The following RAB19 variants were observed in gnomAD, a reference collection of about 807,000 sequenced individuals.
RAB19 encodes RAB19, member RAS oncogene family, also known as ras-related protein Rab-19.
RAB19 carries 21 observed loss-of-function variants against 17.3 expected under a neutral mutation model. That is an observed-to-expected ratio of 1.21 (90% CI 0.86 to 1.74). The LOEUF (loss-of-function observed/expected upper bound fraction) is 1.74. Among genes scored for constraint, RAB19 ranks in the 40% most tolerant of loss-of-function variants. The probability of loss-of-function intolerance (pLI) is 0.00; values close to 1 mark genes in which losing one functional copy is unlikely to be tolerated. For synonymous variants in RAB19, 126 were observed against 110.4 expected (o/e 1.14, Z -0.88); for missense variants, 277 against 286.8 (o/e 0.97, Z 0.25).
rs560723274 is a variant in RAB19 at position 140,424,111 on chromosome 7, T to C, written c.386-1771T>C. Among the ~76,000 whole-genome samples the C allele has an allele frequency of 3.3e-5, 5 of 151,810 alleles. No individual in the cohort carries two copies. The East Asian group carries it at 9.7e-4, about 29-fold the overall frequency. ...CTCAGGTGATCCACCCGCCTCGGCT[T>C]CCCACAGTGCAGGGATTGCAGGCGT... On this transcript the variant is annotated intron_variant, in intron 3 of 3. Transcript: ENST00000537763.
chr7:140,412,137 T>G, intron 3 of RAB19, 80 bp downstream of exon 3: 1 of 1,388,248 alleles, frequency 7.2e-7, no homozygotes, highest in Non-Finnish European at 1.0e-6. Context: ...CTAATGACAG[T>G]GGAAAATGAA....
chr7:140,407,550 G>A, intron 1 of RAB19, 74 bp from the exon 2 acceptor site: 1 of 1,077,722 alleles, frequency 9.3e-7, no homozygotes, highest in Non-Finnish European at 1.4e-6. Context: ...CACTGTGAAG[G>A]TAATGACCTC....
chr7:140,419,763 G>A (rs1483017659), intron 3 of RAB19, among the ~76,000 whole-genome samples: 4 of 152,084 alleles, frequency 2.6e-5, no homozygotes, highest in African/African-American at 9.7e-5. Context: ...CAGTGTGTGT[G>A]GGTTTCAGTT....
intron 2 of RAB19, among the ~76,000 whole-genome samples, chr7:140,410,313 C>CTT (rs762151021): frequency 0.23 from 18,255 of 81,054 alleles, 3,788 homozygotes; most frequent in Admixed American, 0.29. Flanking sequence ...TTGTATTTTT[C>CTT]TTTTTTTTTT....
intron 3 of RAB19, among the ~76,000 whole-genome samples, chr7:140,413,355 C>T (rs768772344): frequency 6.6e-6 from 1 of 152,074 alleles, no homozygotes; most frequent in Non-Finnish European, 1.5e-5. Flanking sequence ...GTAGCTTTGA[C>T]TATTCTGAGT....
chr7:140,409,176 C>A (rs1254006807), intron 2 of RAB19, among the ~76,000 whole-genome samples: 3 of 151,806 alleles, frequency 2.0e-5, no homozygotes, highest in African/African-American at 7.3e-5. Context: ...CCAGCCTGGC[C>A]AACATGGTGA....
intron 3 of RAB19, among the ~76,000 whole-genome samples, chr7:140,418,577 TAAA>T (rs1323234231): frequency 2.4e-5 from 3 of 126,990 alleles, no homozygotes; most frequent in Admixed American, 8.0e-5. Context: ...CTCTGTCTCT[TAAA>T]AAAAAAAAAA....
At chr7:140,407,542 C>A (rs933667119) in intron 1 of RAB19, 82 bp from the exon 2 acceptor site, 10 of 954,344 alleles carry the variant, frequency 1.0e-5, no homozygotes, top group Admixed American at 3.8e-5. Flanking sequence ...GGATGTAGCA[C>A]TGTGAAGGTA....
At chr7:140,425,039 A>G (rs560494758) in intron 3 of RAB19, among the ~76,000 whole-genome samples, 11 of 152,240 alleles carry the variant, frequency 7.2e-5, no homozygotes, top group African/African-American at 2.6e-4. Flanking sequence ...CAATCCCAGC[A>G]CTTTGGGAGG....
Position 140,409,181 on chromosome 7 carries a change from T to G in RAB19, c.201+1334T>G, listed in dbSNP as rs1284644266. ...AAGTTCAAGACCAGCCTGGCCAACA[T>G]GGTGAAACCCTGTCTCTACTAAAAA... On this transcript the variant is annotated intron_variant, in intron 2 of 3. Coordinates refer to ENST00000537763, the MANE Select transcript of RAB19 (RefSeq NM_001008749.3). Among the ~76,000 whole-genome samples, 12 of 143,740 alleles carry G rather than the reference T, an allele frequency of 8.3e-5. No individual in the cohort carries two copies. In the East Asian group the frequency reaches 1.1e-3, roughly 13 times the overall value. The allele number at this position is 143,740 out of a possible 152,430, so 94.3% of individuals were successfully genotyped here.
At position 140,407,471 on chromosome 7, in the gene RAB19, T is replaced by C. The variant is rs551452737; in HGVS notation, c.-23-153T>C. On this transcript the variant is annotated intron_variant, in intron 1 of 3. Coordinates refer to ENST00000537763, the MANE Select transcript of RAB19 (RefSeq NM_001008749.3). ...AAGATCAACACACGTAGGGCAGATGTCAGCTTATGGGGACAACTCCTCTGT... is the reference window on the plus strand; with the variant it reads ...AAGATCAACACACGTAGGGCAGATGCCAGCTTATGGGGACAACTCCTCTGT... 102 of 601,540 alleles carry C rather than the reference T, an allele frequency of 1.7e-4. No homozygotes were observed. In the South Asian group the frequency reaches 1.9e-3, roughly 11 times the overall value. 37.3% of individuals were successfully genotyped at this position (601,540 alleles called of 1,614,324 possible). A position where few individuals can be genotyped will look rare whatever the true frequency, so the allele number is the denominator to read the frequency against.
intron 3 of RAB19, among the ~76,000 whole-genome samples, chr7:140,415,072 T>C (rs1221346739): frequency 6.7e-6 from 1 of 149,932 alleles, no homozygotes; most frequent in Non-Finnish European, 1.5e-5. Flanking sequence ...TTTTCTTTTC[T>C]TTTCTTTTCT....
Position 140,426,142 on chromosome 7 carries a change from A to G in RAB19, c.646A>G (p.Thr216Ala). The G allele has an allele frequency of 6.2e-7, 1 of 1,612,916 alleles. No homozygotes were observed. Reference protein sequence around the residue: ...AQGPSEKTHCTC With the variant: ...AQGPSEKTHCAC ...GGGTCCAAGTGAAAAGACCCACTGC[A>G]CTTGCTAAGATGTTTGCAAAGCCAG... The change falls in exon 4 of 4, where the codon ACT becomes GCT. Residue 216 changes from threonine (T) to alanine (A), a missense_variant. Coordinates refer to ENST00000537763, the MANE Select transcript of RAB19 (RefSeq NM_001008749.3).
intron 2 of RAB19, among the ~76,000 whole-genome samples, chr7:140,408,795 G>T (rs567187960): frequency 6.6e-6 from 1 of 151,930 alleles, no homozygotes; most frequent in Non-Finnish European, 1.5e-5. Flanking sequence ...GTCTTGCTCT[G>T]TCACTCAGGC....
intron 3 of RAB19, among the ~76,000 whole-genome samples, chr7:140,425,369 A>G (rs1305576717): frequency 5.3e-5 from 8 of 152,152 alleles, no homozygotes; most frequent in Non-Finnish European, 7.3e-5. Flanking sequence ...ACTCAGCTAA[A>G]TGAGCTCCAT....
At chr7:140,412,770 G>T (rs1024502029) in intron 3 of RAB19, among the ~76,000 whole-genome samples, 1 of 151,314 alleles carries the variant, frequency 6.6e-6, no homozygotes, top group Non-Finnish European at 1.5e-5. Flanking sequence ...ATTGGGTACA[G>T]TGGGTTCTTA....
chr7:140,417,338 G>T (rs1240614023), intron 3 of RAB19, among the ~76,000 whole-genome samples: 1 of 151,664 alleles, frequency 6.6e-6, no homozygotes, highest in African/African-American at 2.4e-5. Flanking sequence ...GGAGTTCAAG[G>T]CTGCAGTGAG....
In RAB19 at chr7:140,427,595, C is replaced by T. The variant is rs1379631505; in HGVS notation, c.*1445C>T. On this transcript the variant is annotated 3_prime_UTR_variant, in exon 4 of 4. Transcript: ENST00000537763. Reference sequence around the variant, plus strand: ...ACCTCCCTAGTAGCTGGGATTACAGCCTCCCGCCACCACGCCTAGCTAATT... The same window carrying T: ...ACCTCCCTAGTAGCTGGGATTACAGTCTCCCGCCACCACGCCTAGCTAATT... Among the ~76,000 whole-genome samples, 3 of 150,844 alleles carry T rather than the reference C, an allele frequency of 2.0e-5. No individual in the cohort carries two copies. The highest frequency in any genetic ancestry group is 3.0e-5 in the Non-Finnish European group (2 of 67,794).
chr7:140,411,713 C>A, intron 2 of RAB19, 161 bp from the exon 3 acceptor site: 1 of 1,467,836 alleles, frequency 6.8e-7, no homozygotes, highest in Non-Finnish European at 9.1e-7. Flanking sequence ...ATCCAGGGAG[C>A]AACTGAAAGA....
Sources: allele counts gnomAD v4.1 joint callset (sites outside exome capture counted in the v4.1 genomes callset), GRCh38; gene constraint gnomAD v4.1.1; transcripts MANE v1.5; gene names NCBI Gene and HGNC (gene_info 2026-07-23, HGNC 2026-07-21).